ZRANB1: variants seen among roughly 807,000 people sequenced by gnomAD.
ZRANB1 encodes ubiquitin thioesterase ZRANB1.
In ZRANB1, 16 loss-of-function variants were observed where a neutral mutation model predicts 80.5. The ratio of observed to expected loss-of-function variants is 0.20; its 90% CI spans 0.13 to 0.30. ZRANB1 has a LOEUF of 0.30. ZRANB1 is among the 10% of genes least tolerant of loss of function. The pLI, the probability that ZRANB1 is intolerant of heterozygous loss-of-function variation, is 1.00. For missense variants in ZRANB1, 576 were observed against 862.6 expected (o/e 0.67, Z 4.16); for synonymous variants, 291 against 293.1 (o/e 0.99, Z 0.07).
chr10:124,935,116 G>A, the ZRANB1 span, among the ~76,000 whole-genome samples: 3 of 152,158 alleles, frequency 2.0e-5, no homozygotes, highest in South Asian at 2.1e-4. Context: ...TAATAATTTC[G>A]TGGATTCAAT....
rs750301666 is a variant in ZRANB1, at chr10:124,943,122, G to A, written c.629G>A (p.Gly210Asp). ...CGATGGAGGGGAAGTTGCAGTAGTG[G>A]TAATAGCCAAAGGAGATCACCTCCT... ...RARWRGSCSS[G>D]NSQRRSPPAT... is the part of the protein sequence containing the mutation. Residue 210 changes from glycine to aspartate, a missense_variant, in exon 1 of 9, where the codon GGT becomes GAT. By Grantham distance (94) the Gly-to-Asp change is moderately conservative (BLOSUM62 -1). This residue lies in a region of ZRANB1 where 411 missense variants were observed against 583.1 expected (regional missense o/e 0.70). Transcript: ENST00000359653. 2.5e-5 allele frequency: 41 copies of A among 1,614,102 alleles called. No homozygotes were observed. In the South Asian group the frequency reaches 4.4e-4, roughly 17 times the overall value.
chr10:124,970,836 T>TC (rs1373225644), intron 2 of ZRANB1, among the ~76,000 whole-genome samples: 2 of 99,806 alleles, frequency 2.0e-5, no homozygotes, highest in Admixed American at 2.0e-4. Flanking sequence ...CTTTGGGGTT[T>TC]TTTTTTTTTT....
intron 2 of ZRANB1, 117 bp downstream of exon 2, chr10:124,966,898 A>G (rs1187494966): frequency 2.1e-6 from 2 of 944,438 alleles, no homozygotes; most frequent in African/African-American, 1.7e-5. Context: ...GAATTCTTTT[A>G]CCCCCTTTTA....
intron 1 of ZRANB1, among the ~76,000 whole-genome samples, chr10:124,965,415 A>T (rs1951768335): frequency 6.6e-6 from 1 of 152,166 alleles, no homozygotes; most frequent in South Asian, 2.1e-4. Context: ...CTGTCTTTGT[A>T]CTTCTCATAT....
At chr10:124,972,834 A>G (rs575645169) in intron 3 of ZRANB1, among the ~76,000 whole-genome samples, 4 of 151,558 alleles carry the variant, frequency 2.6e-5, no homozygotes, top group Admixed American at 1.3e-4. Context: ...CTAGAGTGCA[A>G]TGGGCGTGAT....
intron 1 of ZRANB1, among the ~76,000 whole-genome samples, chr10:124,958,499 G>C (rs1951704591): frequency 6.6e-6 from 1 of 152,180 alleles, no homozygotes. Context: ...TAATCTCACT[G>C]CCTAGAGGAA....
At chr10:124,940,630 T>C, upstream of ZRANB1, 1 of 890,962 alleles carries the variant, frequency 1.1e-6, no homozygotes, top group Admixed American at 2.6e-5. Context: ...GTTCACACTA[T>C]AAATGGTGTA....
chr10:124,975,877 C>T (rs1044694947), intron 5 of ZRANB1, among the ~76,000 whole-genome samples: 1 of 152,150 alleles, frequency 6.6e-6, no homozygotes, highest in Non-Finnish European at 1.5e-5. Flanking sequence ...TGGTGCATGC[C>T]TATAATCCCA....
intron 1 of ZRANB1, among the ~76,000 whole-genome samples, chr10:124,957,824 T>G (rs1360183943): frequency 1.3e-5 from 2 of 152,134 alleles, no homozygotes; most frequent in Admixed American, 1.3e-4. Context: ...CCTCCCAGGT[T>G]CAAGGGATTC....
intron 1 of ZRANB1, among the ~76,000 whole-genome samples, chr10:124,949,875 A>G (rs995749014): frequency 2.0e-5 from 3 of 152,170 alleles, no homozygotes; most frequent in East Asian, 1.9e-4. Flanking sequence ...GAATATGTGA[A>G]TCAGTAATGC....
chr10:124,961,164 G>T (rs1951730875), intron 1 of ZRANB1, among the ~76,000 whole-genome samples: 1 of 151,964 alleles, frequency 6.6e-6, no homozygotes, highest in Non-Finnish European at 1.5e-5. Context: ...CCCACGCCCG[G>T]CTAATTTTTT....
At chr10:124,970,537 C>T (rs1175285370) in intron 2 of ZRANB1, among the ~76,000 whole-genome samples, 1 of 152,148 alleles carries the variant, frequency 6.6e-6, no homozygotes, top group Non-Finnish European at 1.5e-5. Flanking sequence ...GCTGGGATTA[C>T]AGGTGTGAGC....
chr10:124,939,355 A>G (rs1420945442), upstream of ZRANB1, among the ~76,000 whole-genome samples: 1 of 152,074 alleles, frequency 6.6e-6, no homozygotes, highest in Non-Finnish European at 1.5e-5. Flanking sequence ...GCACATCTCA[A>G]AACTCTTGAG....
chr10:124,975,455 C>G (rs1385834454), intron 5 of ZRANB1, among the ~76,000 whole-genome samples: 1 of 152,176 alleles, frequency 6.6e-6, no homozygotes, highest in Non-Finnish European at 1.5e-5. Context: ...AACATTGATT[C>G]TGTTATCTAA....
chr10:124,935,968 A>C, the ZRANB1 span, among the ~76,000 whole-genome samples: 1 of 152,244 alleles, frequency 6.6e-6, no homozygotes, highest in Admixed American at 6.5e-5. Flanking sequence ...TGTCAATAAA[A>C]GTATGGTTGC....
intron 3 of ZRANB1, 60 bp from the exon 4 acceptor site, chr10:124,973,581 TTAAG>T: frequency 7.1e-7 from 1 of 1,409,568 alleles, no homozygotes; most frequent in Middle Eastern, 1.8e-4. Context: ...ATAAGTGTAA[TTAAG>T]TATAAGTTAA....
chr10:124,920,728 C>G, the ZRANB1 span, among the ~76,000 whole-genome samples: 1 of 152,018 alleles, frequency 6.6e-6, no homozygotes, highest in Admixed American at 6.6e-5. Flanking sequence ...TCTATTCAGT[C>G]TTCTCTTGCG....
chr10:124,955,591 G>C (rs548048584), intron 1 of ZRANB1, among the ~76,000 whole-genome samples: 1 of 152,148 alleles, frequency 6.6e-6, no homozygotes, highest in Non-Finnish European at 1.5e-5. Context: ...CTCCACAAAC[G>C]TTTGTGATTG....
At chr10:124,940,561 T>C, upstream of ZRANB1, 1 of 1,285,422 alleles carries the variant, frequency 7.8e-7, no homozygotes, top group Non-Finnish European at 1.0e-6. Context: ...AGTGTGGTTT[T>C]TATTTTAGCT....
Sources: allele counts gnomAD v4.1 joint callset (sites outside exome capture counted in the v4.1 genomes callset), GRCh38; gene constraint gnomAD v4.1.1; regional missense constraint gnomAD v4.1.1; transcripts MANE v1.5; gene names NCBI Gene and HGNC (gene_info 2026-07-23, HGNC 2026-07-21).